TUBGCP2: variants seen among roughly 807,000 people sequenced by gnomAD.
The protein encoded by TUBGCP2 is gamma-tubulin complex component 2.
Under a neutral mutation model 92.2 loss-of-function variants are expected in TUBGCP2, and 55 were observed. That is an observed-to-expected ratio of 0.60 (90% CI 0.48 to 0.75). TUBGCP2 has a LOEUF of 0.75. Ranked by LOEUF, TUBGCP2 falls within the 30% of genes least tolerant of loss-of-function variation. The pLI is 0.00. For synonymous variants in TUBGCP2, 533 were observed against 505.2 expected, an observed-to-expected ratio of 1.06 and a Z score of -0.74; for missense variants, 1,093 against 1,188.9, an observed-to-expected ratio of 0.92 and a Z score of 1.19.
At chr10:133,297,090 A>C (rs1239959581) in intron 5 of TUBGCP2, among the ~76,000 whole-genome samples, 1 of 152,172 alleles carries the variant, frequency 6.6e-6, no homozygotes, top group Non-Finnish European at 1.5e-5. Flanking sequence ...TAGTTTGTGA[A>C]ATCTCATTTT....
chr10:133,285,095 A>C lies in TUBGCP2; in HGVS notation c.2014T>G (p.Ser672Ala), dbSNP rs1847097140. Reference protein sequence around the residue: ...NKTAKQHSLHSAQWFAGAFTL... With the variant: ...NKTAKQHSLHAAQWFAGAFTL... ...AGAGGAAGAACGCACCACTGGGCGGAGTGCAGCGAGTGCTGCTTGGCGGTT... is the reference window on the plus strand; with the variant it reads ...AGAGGAAGAACGCACCACTGGGCGGCGTGCAGCGAGTGCTGCTTGGCGGTT... Residue 672 changes from serine to alanine, a missense_variant, in exon 13 of 18, where the codon TCC becomes GCC. Physicochemically the swap from Ser to Ala is moderately conservative, Grantham distance 99. Coordinates refer to ENST00000252936, the MANE Select transcript of TUBGCP2 (RefSeq NM_006659.4). The surrounding 1 kb of genome is among the most constrained non-coding windows in gnomAD (Gnocchi z 6.8). The C allele has an allele frequency of 6.2e-7, 1 of 1,606,526 alleles. No homozygotes were observed. Among genetic ancestry groups the C allele is most frequent in the Non-Finnish European group, 8.5e-7 (1 of 1,174,744 alleles).
intron 16 of TUBGCP2, 105 bp downstream of exon 16, chr10:133,282,118 T>C (rs142364652): frequency 3.6e-5 from 55 of 1,542,570 alleles, no homozygotes; most frequent in African/African-American, 2.3e-4. Context: ...TGAGGGGAGA[T>C]GGAAGTAAAA....
rs774968552 is a variant in TUBGCP2, at chr10:133,283,938, T to C, written c.2089A>G (p.Met697Val). The change falls in exon 14 of 18, where the codon ATG becomes GTG. Residue 697 changes from methionine to valine, a missense_variant. Transcript: ENST00000252936. ...LNFVQNIQYYMMFEVMEPTWH... is the reference protein window; with the variant it reads ...LNFVQNIQYYVMFEVMEPTWH... ...GTCGGTTCCATCACTTCAAACATCA[T>C]GTAGTATTGAATATTCTGGACGAAG... 6.2e-7 allele frequency: 1 copy of C among 1,614,132 alleles called. No homozygotes were observed. Among genetic ancestry groups the C allele is most frequent in the South Asian group, 1.1e-5 (1 of 91,086 alleles).
intron 1 of TUBGCP2, among the ~76,000 whole-genome samples, chr10:133,306,629 T>C (rs1211150029): frequency 1.3e-5 from 2 of 151,690 alleles, no homozygotes; most frequent in Non-Finnish European, 2.9e-5. Flanking sequence ...CTACTAAAAA[T>C]ACAAAAAAAT....
rs1364560629 is a variant in TUBGCP2 at position 133,308,843 on chromosome 10, C to T, written c.-60G>A. On this transcript the variant is annotated 5_prime_UTR_variant, in exon 1 of 18. Coordinates refer to ENST00000252936, the MANE Select transcript of TUBGCP2 (RefSeq NM_006659.4). ...CTCACCGCAGTCCCGGAGCCACAGC[C>T]CCCGCGCAGCCCCCGACGGCGGCGG... is the stretch of plus-strand genomic sequence containing the variant. 3.8e-6 allele frequency: 4 copies of T among 1,046,346 alleles called. No homozygotes were observed. Among genetic ancestry groups the T allele is most frequent in the Non-Finnish European group, 4.8e-6 (4 of 830,280 alleles). 64.8% of individuals were successfully genotyped at this position (1,046,346 alleles called of 1,614,324 possible).
intron 11 of TUBGCP2, among the ~76,000 whole-genome samples, chr10:133,286,697 GTTCTC>G (rs1419319809): frequency 3.2e-3 from 483 of 152,310 alleles, no homozygotes; most frequent in African/African-American, 0.01. Flanking sequence ...CAAAAAGTCT[GTTCTC>G]TAACAAGGAG....
Position 133,281,320 on chromosome 10 carries a change from G to GA in TUBGCP2, c.2525dup (p.Tyr843LeufsTer2). 1 of 1,613,354 alleles carries GA rather than the reference G, an allele frequency of 6.2e-7. No homozygotes were observed. The highest frequency in any genetic ancestry group is 8.5e-7 in the Non-Finnish European group (1 of 1,180,002). Reference sequence around the variant, plus strand: ...CGTGCTCACAGTCACTGGTGCTATAGATGCTCAGCCGGGCCAGGAGGTCCA... The same window carrying GA: ...CGTGCTCACAGTCACTGGTGCTATAGAATGCTCAGCCGGGCCAGGAGGTCCA... On this transcript the variant is annotated frameshift_variant, in exon 17 of 18. Transcript: ENST00000252936. LOFTEE classifies it high-confidence loss of function.
chr10:133,292,597 C>A lies in TUBGCP2; in HGVS notation c.1116G>T (p.Ala372=), dbSNP rs752675113. Residue 372 remains alanine, a synonymous_variant, in exon 8 of 18, where the codon GCG becomes GCT. Transcript: ENST00000252936. ...RSFSYTGDSQ[A]QELCLYLTKA... is the part of the protein sequence containing the mutation. ...TGGTTAGGTACAGGCATAGCTCCTGCGCCTGGCTGTCCCCTGTGTAGCTGA... is the reference window on the plus strand; with the variant it reads ...TGGTTAGGTACAGGCATAGCTCCTGAGCCTGGCTGTCCCCTGTGTAGCTGA... 5 of 1,614,184 alleles carry A rather than the reference C, an allele frequency of 3.1e-6. No individual in the cohort carries two copies. In the South Asian group the frequency reaches 3.3e-5, roughly 11 times the overall value.
At position 133,282,347 on chromosome 10, in the gene TUBGCP2, G is replaced by T. The variant is rs112390120; in HGVS notation, c.2290-5C>A. 1,298 of 1,584,422 alleles carry T rather than the reference G, an allele frequency of 8.2e-4. 3 individuals carry two copies. The highest frequency in any genetic ancestry group is 6.4e-3 in the African/African-American group (472 of 73,752). On this transcript the variant is annotated splice_polypyrimidine_tract_variant and splice_region_variant and intron_variant, in intron 15 of 17. Coordinates refer to ENST00000252936, the MANE Select transcript of TUBGCP2 (RefSeq NM_006659.4). ...TTTCATGCTCTGTGTAAATTTCTAG[G>T]GGGGGAGAGTCGCAAGGAAATGCTT... is the stretch of plus-strand genomic sequence containing the variant.
chr10:133,294,543 A>G (rs563721192), intron 5 of TUBGCP2, among the ~76,000 whole-genome samples: 5 of 151,864 alleles, frequency 3.3e-5, no homozygotes, highest in African/African-American at 9.7e-5. Flanking sequence ...CAAGACTACA[A>G]TCCGTCACCA....
intron 1 of TUBGCP2, among the ~76,000 whole-genome samples, chr10:133,303,366 G>A (rs1847726288): frequency 6.6e-6 from 1 of 152,244 alleles, no homozygotes; most frequent in African/African-American, 2.4e-5. Context: ...CCAGCTTCCA[G>A]GCGGCCTCCG....
upstream of TUBGCP2, chr10:133,312,282 G>A (rs1848010435): frequency 1.6e-6 from 2 of 1,260,304 alleles, no homozygotes; most frequent in African/African-American, 3.1e-5. Context: ...GACCTGTACT[G>A]TCTGCCTTTC....
intron 8 of TUBGCP2, chr10:133,290,773 C>G (rs1847265850): frequency 6.6e-6 from 1 of 152,236 alleles, no homozygotes; most frequent in Non-Finnish European, 1.5e-5. Context: ...AACCAGACAT[C>G]TCCACGTCAT....
At chr10:133,311,665 A>G (rs1292023897), upstream of TUBGCP2, 6 of 1,482,342 alleles carry the variant, frequency 4.0e-6, no homozygotes, top group Non-Finnish European at 5.6e-6. Flanking sequence ...TGGGGAACAC[A>G]GGGGCTGTGG....
intron 11 of TUBGCP2, 136 bp downstream of exon 11, chr10:133,287,993 C>T (rs1218031350): frequency 1.8e-5 from 22 of 1,230,112 alleles, no homozygotes; most frequent in Non-Finnish European, 2.2e-5. Flanking sequence ...GCCCCGGTAG[C>T]CAAGTGAAGG....
At chr10:133,309,383 C>T (rs778830721), upstream of TUBGCP2, 2 of 1,610,554 alleles carry the variant, frequency 1.2e-6, no homozygotes, top group Admixed American at 3.3e-5. Context: ...GCGCACTTTT[C>T]CTGCAGGATG....
In TUBGCP2 at chr10:133,285,031, G is replaced by A. The variant is rs1156711436; in HGVS notation, c.2024+54C>T. 1.3e-6 allele frequency: 2 copies of A among 1,551,472 alleles called. No individual in the cohort carries two copies. Among genetic ancestry groups the A allele is most frequent in the African/African-American group, 1.4e-5 (1 of 73,932 alleles). On this transcript the variant is annotated intron_variant, in intron 13 of 17. Coordinates refer to ENST00000252936, the MANE Select transcript of TUBGCP2 (RefSeq NM_006659.4). This position sits in a 1 kb window ranked among gnomAD's most constrained non-coding sequence, Gnocchi z 6.8. ...AAGGGGGGCGCTGCACCACTGGGCA[G>A]AGTGCAGCGAGCGCTGCTTCAGGAG...
At position 133,285,393 on chromosome 10, in the gene TUBGCP2, C is replaced by T. The variant is rs1490046418; in HGVS notation, c.1895+63G>A. 6 of 1,608,800 alleles carry T rather than the reference C, an allele frequency of 3.7e-6. No individual in the cohort carries two copies. The African/African-American group carries it at 5.3e-5, about 14-fold the overall frequency. ...GGGACGAGGTGGCCACCGCGTGGCA[C>T]AGTTCTCGCTTCTGCCAAACCTGAG... On this transcript the variant is annotated intron_variant, in intron 12 of 17. Transcript: ENST00000252936. This position sits in a 1 kb window ranked among gnomAD's most constrained non-coding sequence, Gnocchi z 6.8.
chr10:133,309,174 A>G (rs1441529588), upstream of TUBGCP2: 4 of 1,329,810 alleles, frequency 3.0e-6, no homozygotes, highest in Non-Finnish European at 3.9e-6. Context: ...CGGAGCCTGG[A>G]GTGGGAGGGG....
Sources: gnomAD v4.1 joint callset for allele counts (sites outside exome capture counted in the v4.1 genomes callset) on GRCh38, gnomAD v4.1.1 for gene constraint, Gnocchi (gnomAD v3.1) non-coding constraint, MANE v1.5 for transcripts, NCBI Gene and HGNC (gene_info 2026-07-23, HGNC 2026-07-21) for gene names.